LAMA2: variants seen among roughly 807,000 people sequenced by gnomAD.
The protein encoded by LAMA2 is laminin subunit alpha-2.
Under a neutral mutation model 364.8 loss-of-function variants are expected in LAMA2, and 269 were observed. The observed-to-expected ratio is 0.74, with a 90% confidence interval of 0.67 to 0.82. The LOEUF is 0.82. Among genes scored for constraint, LAMA2 ranks in the 40% least tolerant of loss-of-function variants. The pLI is 0.00. For missense variants in LAMA2, 3,807 were observed against 3,873.2 expected (o/e 0.98, Z 0.45); for synonymous variants, 1,379 against 1,370.6 (o/e 1.01, Z -0.14).
intron 17 of LAMA2, among the ~76,000 whole-genome samples, chr6:129,273,411 A>G (rs1310540245): frequency 1.3e-5 from 2 of 152,176 alleles, no homozygotes; most frequent in Non-Finnish European, 2.9e-5. Context: ...CACCACTATC[A>G]ATCCAGCAGA....
chr6:129,357,665 G>A (rs546241804), intron 32 of LAMA2, among the ~76,000 whole-genome samples: 52 of 151,930 alleles, frequency 3.4e-4, no homozygotes, highest in Non-Finnish European at 3.1e-4. Context: ...TGGTGAAACC[G>A]GAAGTCTGAA....
intron 3 of LAMA2, among the ~76,000 whole-genome samples, chr6:129,089,587 C>T (rs1043192824): frequency 6.6e-6 from 1 of 152,186 alleles, no homozygotes; most frequent in African/African-American, 2.4e-5. Flanking sequence ...GGTGGGAAAG[C>T]CATGCTGTGC....
chr6:128,985,235 G>A (rs979796055), intron 1 of LAMA2, among the ~76,000 whole-genome samples: 1 of 152,076 alleles, frequency 6.6e-6, no homozygotes, highest in African/African-American at 2.4e-5. Flanking sequence ...TCTTTTGAAG[G>A]GTGCTGTTGT....
At chr6:129,196,806 G>A (rs1781878590) in intron 12 of LAMA2, among the ~76,000 whole-genome samples, 1 of 152,128 alleles carries the variant, frequency 6.6e-6, no homozygotes, top group Non-Finnish European at 1.5e-5. Context: ...GACTAACTTG[G>A]CAATGGAGTA....
intron 37 of LAMA2, among the ~76,000 whole-genome samples, chr6:129,396,983 G>C (rs2437083): frequency 2.8e-4 from 3 of 10,546 alleles, no homozygotes; most frequent in East Asian, 1.1e-3. Context: ...CAGTGAGACA[G>C]TGTCTCAAAA....
At chr6:129,514,641 T>C (rs753748030) in intron 64 of LAMA2, 46 bp downstream of exon 64, 51 of 1,444,966 alleles carry the variant, frequency 3.5e-5, no homozygotes, top group Non-Finnish European at 4.8e-5. Context: ...TCTCTTATGT[T>C]ACTGGTTTTG....
intron 9 of LAMA2, among the ~76,000 whole-genome samples, chr6:129,176,858 A>G (rs1001730619): frequency 3.3e-5 from 5 of 152,140 alleles, no homozygotes; most frequent in Non-Finnish European, 7.4e-5. Context: ...TAATAAGAAC[A>G]GTAAGACTGC....
chr6:129,250,847 T>C lies in LAMA2; in HGVS notation c.1884+634T>C, dbSNP rs73774775. ...TCAGAGGCACACACATACATGCATGTTCATTATTCCAAATGGGTAGATGTT... is the reference window on the plus strand; with the variant it reads ...TCAGAGGCACACACATACATGCATGCTCATTATTCCAAATGGGTAGATGTT... On this transcript the variant is annotated intron_variant, in intron 13 of 64. Coordinates refer to ENST00000421865, the MANE Select transcript of LAMA2 (RefSeq NM_000426.4). Among the ~76,000 whole-genome samples, 1,268 of 152,184 alleles carry C rather than the reference T, an allele frequency of 8.3e-3. 20 individuals carry two copies. Among genetic ancestry groups the C allele is most frequent in the African/African-American group, 0.03 (1,230 of 41,536 alleles).
At position 128,993,956 on chromosome 6, in the gene LAMA2, A is replaced by C. The variant is rs374221459; in HGVS notation, c.113-55962A>C. Reference sequence around the variant, plus strand: ...TGGTAGCATATTAATTTCAAGTGAGAGTTTTAAACTTGATAACTGCAGTGG... The same window carrying C: ...TGGTAGCATATTAATTTCAAGTGAGCGTTTTAAACTTGATAACTGCAGTGG... On this transcript the variant is annotated intron_variant, in intron 1 of 64. Transcript: ENST00000421865. Among the ~76,000 whole-genome samples the C allele has an allele frequency of 3.3e-5, 5 of 152,226 alleles. No individual in the cohort carries two copies. The East Asian group carries it at 5.8e-4, about 18-fold the overall frequency.
chr6:129,428,207 A>T (rs1201493933), intron 41 of LAMA2, among the ~76,000 whole-genome samples: 1 of 152,152 alleles, frequency 6.6e-6, no homozygotes, highest in Non-Finnish European at 1.5e-5. Context: ...AGGCAGGAGG[A>T]TCCCTTGGTG....
At chr6:128,920,906 A>G (rs1246953083) in intron 1 of LAMA2, among the ~76,000 whole-genome samples, 1 of 152,214 alleles carries the variant, frequency 6.6e-6, no homozygotes. Context: ...AGGGCTGATT[A>G]TTGAATATCA....
intron 49 of LAMA2, among the ~76,000 whole-genome samples, chr6:129,462,030 G>T (rs1279371534): frequency 1.3e-5 from 2 of 151,988 alleles, no homozygotes; most frequent in African/African-American, 4.8e-5. Flanking sequence ...AAATGGTCTT[G>T]ACCTGAGGTA....
At chr6:129,325,443 G>A (rs1314972251) in intron 28 of LAMA2, among the ~76,000 whole-genome samples, 2 of 151,564 alleles carry the variant, frequency 1.3e-5, no homozygotes, top group African/African-American at 4.9e-5. Context: ...AGTTCACCAA[G>A]AGGAAAAACA....
intron 29 of LAMA2, among the ~76,000 whole-genome samples, chr6:129,337,688 A>G (rs1260200933): frequency 6.6e-6 from 1 of 152,116 alleles, no homozygotes; most frequent in Non-Finnish European, 1.5e-5. Context: ...TGTTATAGTC[A>G]TTTGATTTTG....
intron 55 of LAMA2, among the ~76,000 whole-genome samples, chr6:129,482,273 T>C (rs921789394): frequency 6.6e-6 from 1 of 152,120 alleles, no homozygotes; most frequent in Non-Finnish European, 1.5e-5. Flanking sequence ...TCTCAAAACT[T>C]TTTTTAAAAA....
intron 4 of LAMA2, among the ~76,000 whole-genome samples, chr6:129,139,822 T>A (rs951245881): frequency 6.6e-6 from 1 of 152,160 alleles, no homozygotes; most frequent in Admixed American, 6.6e-5. Flanking sequence ...ATGGATTTAC[T>A]GTTCTGTCTC....
rs1380871302 is a variant in LAMA2 at position 129,320,775 on chromosome 6, C to T, written c.4176+120C>T. ...AATCTATTTTATTTAATCTTCCACTCACAGTGTGAGACACAGTGGCAAGAG... is the reference window on the plus strand; with the variant it reads ...AATCTATTTTATTTAATCTTCCACTTACAGTGTGAGACACAGTGGCAAGAG... On this transcript the variant is annotated intron_variant, in intron 28 of 64. Coordinates refer to ENST00000421865, the MANE Select transcript of LAMA2 (RefSeq NM_000426.4). 8 of 704,214 alleles carry T rather than the reference C, an allele frequency of 1.1e-5. No individual in the cohort carries two copies. In the Admixed American group the frequency reaches 1.6e-4, roughly 14 times the overall value. 43.6% of individuals were successfully genotyped at this position (704,214 alleles called of 1,614,324 possible). A position where few individuals can be genotyped will look rare whatever the true frequency, so the allele number is the denominator to read the frequency against.
intron 1 of LAMA2, among the ~76,000 whole-genome samples, chr6:128,943,747 T>G (rs1471785140): frequency 6.6e-6 from 1 of 152,132 alleles, no homozygotes; most frequent in African/African-American, 2.4e-5. Flanking sequence ...CTCAGCAAAA[T>G]TATTTGGCAC....
intron 12 of LAMA2, among the ~76,000 whole-genome samples, chr6:129,220,785 G>A (rs1783774013): frequency 6.6e-6 from 1 of 152,168 alleles, no homozygotes; most frequent in Non-Finnish European, 1.5e-5. Context: ...AGCCACTGAT[G>A]TAATGCTTAT....
Sources: gnomAD v4.1 joint callset for allele counts (sites outside exome capture counted in the v4.1 genomes callset) on GRCh38, gnomAD v4.1.1 for gene constraint, MANE v1.5 for transcripts, NCBI Gene and HGNC (gene_info 2026-07-23, HGNC 2026-07-21) for gene names.